The following ERCC6L2 variants were observed in gnomAD, a reference collection of about 807,000 sequenced individuals.
ERCC6L2 encodes the protein DNA excision repair protein ERCC-6-like 2.
In ERCC6L2, 77 loss-of-function variants were observed where a neutral mutation model predicts 132.0. The observed-to-expected ratio is 0.58, with a 90% CI of 0.49 to 0.71. The LOEUF (loss-of-function observed/expected upper bound fraction) is 0.71, where lower values mean the gene tolerates loss of function less well. Ranked by LOEUF, ERCC6L2 falls within the 30% of genes least tolerant of loss-of-function variation. The pLI, the probability that ERCC6L2 is intolerant of heterozygous loss-of-function variation, is 0.00. For synonymous variants in ERCC6L2, 583 were observed against 632.4 expected (o/e 0.92, Z 1.17); for missense variants, 1,542 against 1,837.6 (o/e 0.84, Z 2.94).
chr9:95,876,022 C>A lies in ERCC6L2; in HGVS notation c.-17C>A. 6.3e-7 allele frequency: 1 copy of A among 1,583,752 alleles called. No individual in the cohort carries two copies. On this transcript the variant is annotated 5_prime_UTR_variant, in exon 1 of 19. Coordinates refer to ENST00000653738, the MANE Select transcript of ERCC6L2 (RefSeq NM_020207.7). Reference sequence around the variant, plus strand: ...GGGTGTTACATGCAGCCGGGCTCGGCCCCTCCCCCTGGCCGGATGGATCCG... The same window carrying A: ...GGGTGTTACATGCAGCCGGGCTCGGACCCTCCCCCTGGCCGGATGGATCCG...
intron 17 of ERCC6L2, among the ~76,000 whole-genome samples, chr9:95,995,670 G>A (rs1327131786): frequency 1.3e-5 from 2 of 152,122 alleles, no homozygotes; most frequent in Non-Finnish European, 2.9e-5. Flanking sequence ...CCAACAATAT[G>A]TGCTCACTTT....
chr9:95,907,368 C>A, intron 4 of ERCC6L2, 97 bp downstream of exon 4: 3 of 913,166 alleles, frequency 3.3e-6, no homozygotes, highest in Non-Finnish European at 4.4e-6. Flanking sequence ...GAGACAGAGT[C>A]TTGCTTTTGT....
chr9:96,036,768 T>A (rs1834523870), intron 19 of ERCC6L2, among the ~76,000 whole-genome samples: 1 of 134,450 alleles, frequency 7.4e-6, no homozygotes, highest in Admixed American at 7.7e-5. Flanking sequence ...TTATTATTTT[T>A]ATTTATTTTT....
chr9:95,958,627 T>G (rs1379322768), intron 13 of ERCC6L2, among the ~76,000 whole-genome samples: 1 of 152,182 alleles, frequency 6.6e-6, no homozygotes, highest in Admixed American at 6.6e-5. Context: ...CATTTTTTCA[T>G]GAGTTTTTCG....
At chr9:95,944,686 A>G (rs1482121190) in intron 12 of ERCC6L2, among the ~76,000 whole-genome samples, 4 of 151,650 alleles carry the variant, frequency 2.6e-5, no homozygotes, top group Non-Finnish European at 4.4e-5. Context: ...TTTTTTTTCT[A>G]TTTTCCCTAA....
At position 95,966,646 on chromosome 9, in the gene ERCC6L2, CT is replaced by C. The variant is rs1343963385; in HGVS notation, c.2037del (p.Phe679LeufsTer27). ...VQGSKEHQGE[L>X]FGIHNLFKFR... ...AGGATCTAAAGAGCATCAAGGAGAG[CT>C]TTTTGGGATCCATAACCTCTTCAAA... On this transcript the variant is annotated frameshift_variant, in exon 14 of 19. Transcript: ENST00000653738. LOFTEE classifies it high-confidence loss of function. The C allele has an allele frequency of 4.5e-6, 7 of 1,546,170 alleles. No homozygotes were observed. The highest frequency in any genetic ancestry group is 2.5e-5 in the South Asian group (2 of 81,356).
intron 8 of ERCC6L2, among the ~76,000 whole-genome samples, 156 bp downstream of exon 8, chr9:95,922,574 A>C (rs1033523553): frequency 2.6e-5 from 4 of 152,228 alleles, no homozygotes; most frequent in Non-Finnish European, 5.9e-5. Context: ...ATGTGCACTT[A>C]AGTTTTTAAT....
chr9:96,038,899 T>A (rs1160408445), exon 20 of ERCC6L2: 1 of 456,116 alleles, frequency 2.2e-6, no homozygotes, highest in Non-Finnish European at 4.4e-6. Flanking sequence ...TTCTCAAACT[T>A]GTTCTGGAGG....
intron 17 of ERCC6L2, among the ~76,000 whole-genome samples, chr9:95,989,654 C>A (rs1833223187): frequency 6.6e-6 from 1 of 152,084 alleles, no homozygotes; most frequent in Non-Finnish European, 1.5e-5. Flanking sequence ...GTACAGGGGG[C>A]CCTACCTGTT....
intron 19 of ERCC6L2, among the ~76,000 whole-genome samples, chr9:96,026,411 GC>G (rs1217728712): frequency 6.6e-6 from 1 of 152,140 alleles, no homozygotes; most frequent in African/African-American, 2.4e-5. Flanking sequence ...AACTCAGTGA[GC>G]CCCGGAGCGC....
intron 17 of ERCC6L2, among the ~76,000 whole-genome samples, chr9:96,002,971 A>G (rs765737996): frequency 2.6e-5 from 4 of 151,860 alleles, no homozygotes; most frequent in African/African-American, 4.8e-5. Flanking sequence ...TCTGTCTCTT[A>G]ACTTCCCTAT....
At position 95,928,130 on chromosome 9, in the gene ERCC6L2, C is replaced by G. The variant is rs544535523; in HGVS notation, c.1585C>G (p.Leu529Val). ...HCRKNRDKVL[L>V]FSFSTKLLDV... ...CAGGAAAAACAGAGATAAAGTTCTTCTCTTTTCTTTTTCCACCAAGGTGAG... is the reference window on the plus strand; with the variant it reads ...CAGGAAAAACAGAGATAAAGTTCTTGTCTTTTCTTTTTCCACCAAGGTGAG... The change falls in exon 10 of 19, where the codon CTC becomes GTC. Residue 529 changes from leucine to valine, a missense_variant. Around this residue, in one of 4 missense-constraint regions of ERCC6L2, gnomAD observed 945 missense variants for 1,105.2 expected, o/e 0.86. Coordinates refer to ENST00000653738, the MANE Select transcript of ERCC6L2 (RefSeq NM_020207.7). The G allele has an allele frequency of 6.2e-7, 1 of 1,612,440 alleles. No homozygotes were observed. The highest frequency in any genetic ancestry group is 2.2e-5 in the East Asian group (1 of 44,740).
intron 11 of ERCC6L2, among the ~76,000 whole-genome samples, chr9:95,934,022 G>T (rs1240789161): frequency 6.6e-6 from 1 of 152,124 alleles, no homozygotes; most frequent in Non-Finnish European, 1.5e-5. Context: ...TTAGCATCCA[G>T]TGTAAAGCAT....
intron 12 of ERCC6L2, among the ~76,000 whole-genome samples, chr9:95,954,153 A>G (rs1270131523): frequency 6.6e-6 from 1 of 152,230 alleles, no homozygotes; most frequent in African/African-American, 2.4e-5. Context: ...AATAAGTGGC[A>G]GGGTCAGGAT....
intron 17 of ERCC6L2, among the ~76,000 whole-genome samples, chr9:95,984,254 CTACA>C (rs902376911): frequency 4.7e-5 from 7 of 148,664 alleles, no homozygotes; most frequent in South Asian, 2.1e-4. Flanking sequence ...TGTTATGTAA[CTACA>C]TACATGTATG....
At chr9:95,948,697 A>G (rs1169829312) in intron 12 of ERCC6L2, among the ~76,000 whole-genome samples, 6 of 151,806 alleles carry the variant, frequency 4.0e-5, no homozygotes, top group Non-Finnish European at 8.8e-5. Context: ...ACACCCTGCT[A>G]ATTAGTGAAG....
Position 96,001,281 on chromosome 9 carries a change from G to A in ERCC6L2, c.3493-3239G>A, listed in dbSNP as rs572228528. Among the ~76,000 whole-genome samples, 29 of 152,268 alleles carry A rather than the reference G, an allele frequency of 1.9e-4. 1 individual carries two copies. Among genetic ancestry groups the A allele is most frequent in the African/African-American group, 6.5e-4 (27 of 41,550 alleles). ...CCGAGCGGGTTGCCAATGCTGGCTC[G>A]GGCAGCCTGCTTTTATTCTCTTATC... On this transcript the variant is annotated intron_variant, in intron 17 of 18. Coordinates refer to ENST00000653738, the MANE Select transcript of ERCC6L2 (RefSeq NM_020207.7).
At chr9:95,955,813 A>G (rs1831571375) in intron 12 of ERCC6L2, 101 bp from the exon 13 acceptor site, 1 of 556,206 alleles carries the variant, frequency 1.8e-6, no homozygotes, top group Non-Finnish European at 3.1e-6. Context: ...TTTTAAATTA[A>G]TTAAAAATTT....
chr9:95,916,435 G>T lies in ERCC6L2; in HGVS notation c.1158+1G>T. 1 of 1,548,520 alleles carries T rather than the reference G, an allele frequency of 6.5e-7. No individual in the cohort carries two copies. Among genetic ancestry groups the T allele is most frequent in the Non-Finnish European group, 8.7e-7 (1 of 1,154,620 alleles). On this transcript the variant is annotated splice_donor_variant, in intron 6 of 18. Coordinates refer to ENST00000653738, the MANE Select transcript of ERCC6L2 (RefSeq NM_020207.7). LOFTEE classifies it high-confidence loss of function. The stretch of plus-strand genomic sequence containing the variant: ...TCAGTTGCCTAAGAAGGAAGACCGG[G>T]TAAGAACCGCATTTGTATATATTAT...
Sources: gnomAD v4.1 joint callset for allele counts (sites outside exome capture counted in the v4.1 genomes callset) on GRCh38, gnomAD v4.1.1 for gene constraint, gnomAD v4.1.1 regional missense constraint, MANE v1.5 for transcripts, NCBI Gene and HGNC (gene_info 2026-07-23, HGNC 2026-07-21) for gene names.